The following ZNF536 variants were observed in gnomAD, a reference collection of about 807,000 sequenced individuals.
The protein encoded by ZNF536 is zinc finger protein 536.
In ZNF536, 13 loss-of-function variants were observed where a neutral mutation model predicts 84.5. The observed-to-expected ratio is 0.15, with a 90% CI of 0.10 to 0.24. The LOEUF is 0.24. Ranked by LOEUF, ZNF536 falls within the 10% of genes least tolerant of loss-of-function variation. The pLI is 1.00. For missense variants in ZNF536, 1,536 were observed against 1,747.5 expected (o/e 0.88, Z 2.16); for synonymous variants, 811 against 742.5 (o/e 1.09, Z -1.50).
rs375832482 is a variant in ZNF536, at chr19:30,445,483, C to T, written c.1921C>T (p.Arg641Cys). The T allele has an allele frequency of 1.9e-6, 3 of 1,614,094 alleles. No homozygotes were observed. Among genetic ancestry groups the T allele is most frequent in the Non-Finnish European group, 2.5e-6 (3 of 1,180,020 alleles). The change falls in exon 2 of 5, where the codon CGC becomes TGC. Residue 641 changes from arginine to cysteine, a missense_variant. Physicochemically the swap from Arg to Cys is radical, Grantham distance 180 (BLOSUM62 -3). Around this residue, in one of 8 missense-constraint regions of ZNF536, gnomAD observed 366 missense variants for 364.4 expected, o/e 1.00. Coordinates refer to ENST00000355537, the MANE Select transcript of ZNF536 (RefSeq NM_014717.3). This position sits in a 1 kb window ranked among gnomAD's most constrained non-coding sequence, Gnocchi z 4.5. Reference protein sequence around the residue: ...TECPDCGRVFRTYHQVVVHSR... With the variant: ...TECPDCGRVFCTYHQVVVHSR... Reference sequence around the variant, plus strand: ...GTGCCCCGACTGCGGCCGGGTGTTCCGCACTTACCACCAGGTGGTCGTGCA... The same window carrying T: ...GTGCCCCGACTGCGGCCGGGTGTTCTGCACTTACCACCAGGTGGTCGTGCA...
intron 3 of ZNF536, among the ~76,000 whole-genome samples, chr19:30,360,668 G>T (rs1388955982): frequency 6.6e-6 from 1 of 152,224 alleles, no homozygotes; most frequent in Non-Finnish European, 1.5e-5. Flanking sequence ...GAGGGAAGGC[G>T]TTTGCTGAAA....
chr19:30,386,243 G>A (rs2049336411), intron 1 of ZNF536, among the ~76,000 whole-genome samples: 2 of 152,126 alleles, frequency 1.3e-5, no homozygotes, highest in African/African-American at 4.8e-5. Flanking sequence ...CCTCACTACA[G>A]AAGCCAATTC....
At chr19:30,332,751 A>AC (rs2047254692) in intron 2 of ZNF536, among the ~76,000 whole-genome samples, 1 of 152,176 alleles carries the variant, frequency 6.6e-6, no homozygotes, top group Non-Finnish European at 1.5e-5. Context: ...GTGACCTAGC[A>AC]CCCAGTACGA....
rs1212395636 is a variant in ZNF536, at chr19:30,614,995, G to A, written c.169+65481G>A. Among the ~76,000 whole-genome samples the A allele has an allele frequency of 2.1e-3, 193 of 89,904 alleles. 1 individual carries two copies. Among genetic ancestry groups the A allele is most frequent in the Admixed American group, 2.9e-3 (21 of 7,338 alleles). 59.0% of individuals were successfully genotyped at this position (89,904 alleles called of 152,430 possible). ...GGAGTTTCGCTCTGTCGCCCAGGCT[G>A]GAGTGCAGTGGCGCGATCTCGACTC... On this transcript the variant is annotated intron_variant, in intron 1 of 1. Coordinates refer to the ZNF536 transcript ENST00000592773.
intron 2 of ZNF536, among the ~76,000 whole-genome samples, chr19:30,485,551 C>T (rs2054270864): frequency 6.6e-6 from 1 of 152,068 alleles, no homozygotes; most frequent in African/African-American, 2.4e-5. Flanking sequence ...TGTGCAGGAC[C>T]CATGAGCTTC....
At chr19:30,440,469 C>T (rs2051985179) in intron 1 of ZNF536, among the ~76,000 whole-genome samples, 1 of 152,190 alleles carries the variant, frequency 6.6e-6, no homozygotes, top group Non-Finnish European at 1.5e-5. Flanking sequence ...AGTCTCTATT[C>T]ACTCATTCAT....
At chr19:30,629,563 A>G (rs2048813860) in intron 1 of ZNF536, among the ~76,000 whole-genome samples, 1 of 152,180 alleles carries the variant, frequency 6.6e-6, no homozygotes, top group Non-Finnish European at 1.5e-5. Context: ...TCTTTTGTAA[A>G]AGAAGGGGCA....
In ZNF536 at chr19:30,445,059, A is replaced by G. The variant is rs2148209703; in HGVS notation, c.1497A>G (p.Lys499=). The G allele has an allele frequency of 1.9e-6, 3 of 1,613,616 alleles. No homozygotes were observed. Among genetic ancestry groups the G allele is most frequent in the East Asian group, 4.5e-5 (2 of 44,844 alleles). The change falls in exon 2 of 5, where the codon AAA becomes AAG. Residue 499 remains lysine (K), a synonymous_variant. Transcript: ENST00000355537. This position sits in a 1 kb window ranked among gnomAD's most constrained non-coding sequence, Gnocchi z 4.5. ...LGCLNLVPPL[K]SSCIERLQAA... is the part of the protein sequence containing the mutation. ...GCCTCAATCTCGTGCCGCCGCTGAA[A>G]TCCAGCTGCATCGAGCGGCTGCAGG...
At chr19:30,652,830 C>T (rs1432095603) in intron 1 of ZNF536, among the ~76,000 whole-genome samples, 1 of 152,144 alleles carries the variant, frequency 6.6e-6, no homozygotes, top group Non-Finnish European at 1.5e-5. Flanking sequence ...GGCTTGGGGT[C>T]ATCCCTGGTG....
intron 2 of ZNF536, among the ~76,000 whole-genome samples, chr19:30,287,943 T>C (rs1251932250): frequency 6.6e-6 from 1 of 152,232 alleles, no homozygotes; most frequent in African/African-American, 2.4e-5. Context: ...TATTCATTCA[T>C]TGGCCTCCCA....
chr19:30,598,983 C>G (rs1335769171), intron 1 of ZNF536, among the ~76,000 whole-genome samples: 3 of 106,342 alleles, frequency 2.8e-5, no homozygotes, highest in East Asian at 3.3e-4. Context: ...TTCCCTCCCT[C>G]CCTTCCTTCC....
At chr19:30,504,397 TCTCC>T (rs1165541753) in intron 2 of ZNF536, among the ~76,000 whole-genome samples, 1 of 129,562 alleles carries the variant, frequency 7.7e-6, no homozygotes, top group African/African-American at 3.0e-5. Flanking sequence ...CTCCTTCCTC[TCTCC>T]CTCCTTCTCT....
chr19:30,286,145 C>A (rs1469101164), intron 2 of ZNF536, among the ~76,000 whole-genome samples: 1 of 152,200 alleles, frequency 6.6e-6, no homozygotes, highest in Non-Finnish European at 1.5e-5. Context: ...CCACTTAAAT[C>A]CCATTATAAT....
At chr19:30,225,714 G>A (rs1182397448), upstream of ZNF536, among the ~76,000 whole-genome samples, 1 of 142,436 alleles carries the variant, frequency 7.0e-6, no homozygotes, top group African/African-American at 2.6e-5. Flanking sequence ...GGCGCGGCGC[G>A]GTGCGGGGGG....
chr19:30,471,524 T>C (rs1342463672), intron 2 of ZNF536, among the ~76,000 whole-genome samples: 2 of 152,216 alleles, frequency 1.3e-5, no homozygotes, highest in Non-Finnish European at 2.9e-5. Context: ...AGGGCAATTG[T>C]CAGATCACCC....
intron 1 of ZNF536, among the ~76,000 whole-genome samples, chr19:30,231,336 A>G (rs1386879784): frequency 6.6e-6 from 1 of 152,228 alleles, no homozygotes; most frequent in Non-Finnish European, 1.5e-5. Context: ...GTCAGGTGGC[A>G]TCTCTCAGGC....
Position 30,435,094 on chromosome 19 carries a change from T to C in ZNF536, c.-2-8467T>C, listed in dbSNP as rs1045804251. Among the ~76,000 whole-genome samples the C allele has an allele frequency of 1.0e-4, 15 of 145,444 alleles. No homozygotes were observed. The East Asian group carries it at 1.3e-3, about 12-fold the overall frequency. ...ATAATGCTGGTGATGATGATGATCA[T>C]GATGGTGTGATGATGATGGTGATGG... On this transcript the variant is annotated intron_variant, in intron 1 of 4. Transcript: ENST00000355537.
At chr19:30,299,501 G>T (rs1335386620) in intron 2 of ZNF536, among the ~76,000 whole-genome samples, 1 of 152,160 alleles carries the variant, frequency 6.6e-6, no homozygotes, top group Non-Finnish European at 1.5e-5. Flanking sequence ...GGGGTAGCTT[G>T]ATCCTTCAAA....
At position 30,344,365 on chromosome 19, in the gene ZNF536, G is replaced by A. The variant is rs180685387; in HGVS notation, c.-119-8003G>A. Among the ~76,000 whole-genome samples, 15 of 121,366 alleles carry A rather than the reference G, an allele frequency of 1.2e-4. 1 individual carries two copies. The highest frequency in any genetic ancestry group is 2.8e-4 in the South Asian group (1 of 3,610). 79.6% of individuals were successfully genotyped at this position (121,366 alleles called of 152,430 possible). A position where few individuals can be genotyped will look rare whatever the true frequency, so the allele number is the denominator to read the frequency against. ...TGAGACAGGAAAATCACTTGAACCC[G>A]GGAGGCGGAGGTTGTAGAGAGCAGA... On this transcript the variant is annotated intron_variant, in intron 2 of 5. Transcript: ENST00000585628.
Sources: allele counts gnomAD v4.1 joint callset (sites outside exome capture counted in the v4.1 genomes callset), GRCh38; gene constraint gnomAD v4.1.1; regional missense constraint gnomAD v4.1.1; non-coding constraint Gnocchi (gnomAD v3.1); transcripts MANE v1.5; gene names NCBI Gene and HGNC (gene_info 2026-07-23, HGNC 2026-07-21).